The following EYS variants were observed in gnomAD, a reference collection of about 807,000 sequenced individuals.
EYS encodes EGF-like photoreceptor maintenance factor.
Under a neutral mutation model 282.1 loss-of-function variants are expected in EYS, and 250 were observed. The observed-to-expected ratio is 0.89, with a 90% CI of 0.80 to 0.98. The LOEUF (loss-of-function observed/expected upper bound fraction) is 0.98, where lower values mean the gene tolerates loss of function less well. Ranked by LOEUF, EYS falls within the 50% of genes least tolerant of loss-of-function variation. The pLI is 0.00. For missense variants in EYS, 4,016 were observed against 3,709.0 expected (o/e 1.08, Z -2.15); for synonymous variants, 1,355 against 1,282.9 (o/e 1.06, Z -1.20).
intron 30 of EYS, among the ~76,000 whole-genome samples, chr6:64,240,600 T>C (rs1364462080): frequency 1.3e-5 from 2 of 152,226 alleles, no homozygotes; most frequent in Non-Finnish European, 2.9e-5. Context: ...TGCACATTGA[T>C]TTTGTATTGA....
chr6:64,803,258 C>G (rs1277925963), intron 22 of EYS, among the ~76,000 whole-genome samples: 1 of 151,932 alleles, frequency 6.6e-6, no homozygotes, highest in Non-Finnish European at 1.5e-5. Context: ...TGGGTACCTC[C>G]TTTTCATAGG....
At chr6:65,329,851 G>A (rs1769732499) in intron 11 of EYS, 8 of 981,678 alleles carry the variant, frequency 8.1e-6, no homozygotes, top group Admixed American at 1.2e-4. Flanking sequence ...TGACTCTACA[G>A]AAATAGTTTT....
At chr6:65,698,487 C>G (rs1769539549) in intron 1 of EYS, among the ~76,000 whole-genome samples, 2 of 152,014 alleles carry the variant, frequency 1.3e-5, no homozygotes, top group African/African-American at 4.8e-5. Flanking sequence ...GAGATAAGAG[C>G]TGATGAAAAC....
chr6:65,678,667 C>T (rs908608053), intron 1 of EYS, among the ~76,000 whole-genome samples: 2 of 151,706 alleles, frequency 1.3e-5, no homozygotes, highest in Non-Finnish European at 2.9e-5. Context: ...AGTAAAAAGG[C>T]AACCTGTAGA....
At chr6:65,706,561 G>A (rs1367979260) in intron 1 of EYS, among the ~76,000 whole-genome samples, 2 of 151,978 alleles carry the variant, frequency 1.3e-5, no homozygotes, top group African/African-American at 4.8e-5. Flanking sequence ...TATCTGATCA[G>A]TTGTAAGAAA....
intron 13 of EYS, among the ~76,000 whole-genome samples, chr6:65,044,697 C>G (rs773595060): frequency 1.3e-5 from 2 of 151,814 alleles, no homozygotes; most frequent in African/African-American, 2.4e-5. Flanking sequence ...GCAGCCACAA[C>G]CACTCAGCTC....
At chr6:64,106,249 G>T (rs878861439) in intron 31 of EYS, among the ~76,000 whole-genome samples, 9 of 151,658 alleles carry the variant, frequency 5.9e-5, no homozygotes, top group African/African-American at 2.2e-4. Flanking sequence ...TTTAGTGGTT[G>T]CACTAGAGTT....
intron 13 of EYS, among the ~76,000 whole-genome samples, chr6:64,999,509 TCCACCC>T (rs1449855158): frequency 1.3e-5 from 2 of 152,136 alleles, no homozygotes; most frequent in African/African-American, 4.8e-5. Flanking sequence ...TGGCTAGGGC[TCCACCC>T]CCATGGATCT....
At chr6:64,897,467 C>T (rs190992147) in intron 18 of EYS, among the ~76,000 whole-genome samples, 1 of 152,002 alleles carries the variant, frequency 6.6e-6, no homozygotes, top group Non-Finnish European at 1.5e-5. Flanking sequence ...CAGCAAAGAC[C>T]AAAGGTAGAC....
intron 18 of EYS, among the ~76,000 whole-genome samples, chr6:64,896,209 T>C (rs1024533521): frequency 1.3e-5 from 2 of 152,222 alleles, no homozygotes; most frequent in South Asian, 2.1e-4. Context: ...AGGCAGGTGA[T>C]TTCTGCATTT....
chr6:64,055,523 G>A (rs1292838793), intron 33 of EYS, among the ~76,000 whole-genome samples: 1 of 152,026 alleles, frequency 6.6e-6, no homozygotes, highest in Non-Finnish European at 1.5e-5. Context: ...CCTTTTACGT[G>A]TCCTGTGCCT....
chr6:65,063,507 A>T (rs1773641817), intron 12 of EYS, among the ~76,000 whole-genome samples: 2 of 152,074 alleles, frequency 1.3e-5, no homozygotes, highest in South Asian at 2.1e-4. Flanking sequence ...TAAATGTCCC[A>T]TAATTTCAAA....
chr6:64,535,128 C>T (rs1200743335), intron 26 of EYS, among the ~76,000 whole-genome samples: 3 of 152,138 alleles, frequency 2.0e-5, no homozygotes, highest in Non-Finnish European at 4.4e-5. Context: ...TGTGAGTTGG[C>T]ATTTTTAGTC....
At chr6:64,162,189 T>C (rs2150301647) in intron 31 of EYS, among the ~76,000 whole-genome samples, 1 of 152,320 alleles carries the variant, frequency 6.6e-6, no homozygotes, top group East Asian at 1.9e-4. Context: ...GAGATCCCTC[T>C]GAAGATTCAT....
intron 12 of EYS, among the ~76,000 whole-genome samples, chr6:65,157,721 T>G (rs541462084): frequency 6.6e-6 from 1 of 150,850 alleles, no homozygotes; most frequent in African/African-American, 2.4e-5. Context: ...TATCTGAAAG[T>G]TTTCTTTAAG....
At chr6:65,669,945 T>G (rs545771603) in intron 1 of EYS, among the ~76,000 whole-genome samples, 1 of 152,028 alleles carries the variant, frequency 6.6e-6, no homozygotes, top group Non-Finnish European at 1.5e-5. Context: ...TAATGGTACA[T>G]AGCATATAGT....
intron 33 of EYS, among the ~76,000 whole-genome samples, chr6:64,042,495 G>A (rs1179530668): frequency 2.0e-5 from 3 of 152,178 alleles, no homozygotes; most frequent in African/African-American, 7.2e-5. Context: ...AATAGGAAGT[G>A]CATGTTTCTC....
At chr6:64,322,187 A>G (rs1440780259) in intron 29 of EYS, among the ~76,000 whole-genome samples, 1 of 152,030 alleles carries the variant, frequency 6.6e-6, no homozygotes, top group East Asian at 1.9e-4. Flanking sequence ...GTAGAGCCTG[A>G]AAATTAATCG....
intron 18 of EYS, among the ~76,000 whole-genome samples, chr6:64,891,105 C>A (rs185332849): frequency 2.0e-5 from 3 of 151,674 alleles, no homozygotes; most frequent in Admixed American, 1.3e-4. Context: ...GCAAAAAGGC[C>A]CTGGGATTCT....
Sources: gnomAD v4.1 joint callset for allele counts (sites outside exome capture counted in the v4.1 genomes callset) on GRCh38, gnomAD v4.1.1 for gene constraint, MANE v1.5 for transcripts, NCBI Gene and HGNC (gene_info 2026-07-23, HGNC 2026-07-21) for gene names.